CFAP74: variants seen among roughly 807,000 people sequenced by gnomAD.
CFAP74 encodes the protein cilia- and flagella-associated protein 74.
CFAP74 carries 124 observed loss-of-function variants against 188.9 expected under a neutral mutation model. The observed-to-expected ratio is 0.66, with a 90% CI of 0.57 to 0.76. The LOEUF is 0.76. Ranked by LOEUF, CFAP74 falls within the 30% of genes least tolerant of loss-of-function variation. The probability of loss-of-function intolerance (pLI) is 0.00; values close to 1 mark genes in which losing one functional copy is unlikely to be tolerated. For missense variants in CFAP74, 2,198 were observed against 2,165.2 expected, an observed-to-expected ratio of 1.02 and a Z score of -0.30; for synonymous variants, 956 against 916.7, an observed-to-expected ratio of 1.04 and a Z score of -0.77.
chr1:1,968,799 C>T lies in CFAP74; in HGVS notation c.1081G>A (p.Glu361Lys). Residue 361 changes from glutamate (E) to lysine (K), a missense_variant, in exon 11 of 39, where the codon GAG becomes AAG. Coordinates refer to ENST00000682832, the MANE Select transcript of CFAP74 (RefSeq NM_001304360.2). The surrounding 1 kb of genome is among the most constrained non-coding windows in gnomAD (Gnocchi z 4.3). ...TCTTTCAGAATCCGACTGATGATCTCCTGCTTTCTGAGCTTCTGCTCCTCC... is the reference window on the plus strand; with the variant it reads ...TCTTTCAGAATCCGACTGATGATCTTCTGCTTTCTGAGCTTCTGCTCCTCC... ...FEEEQKLRKQ[E>K]IISRILKEEA... is the part of the protein sequence containing the mutation. 1.2e-6 allele frequency: 2 copies of T among 1,614,094 alleles called. No individual in the cohort carries two copies. The highest frequency in any genetic ancestry group is 1.7e-6 in the Non-Finnish European group (2 of 1,179,978).
Position 1,926,280 on chromosome 1 carries a change from G to A in CFAP74, c.3896C>T (p.Ala1299Val). ...VLLNHSSLLRAGGTQVLVLSF... is the reference protein window; with the variant it reads ...VLLNHSSLLRVGGTQVLVLSF... ...AAGCACCAGGACCTGGGTCCCACCTGCACGCAGCAGGCTGGAGTGGTTCAG... is the reference window on the plus strand; with the variant it reads ...AAGCACCAGGACCTGGGTCCCACCTACACGCAGCAGGCTGGAGTGGTTCAG... Residue 1299 changes from alanine to valine, a missense_variant, in exon 32 of 39, where the codon GCA becomes GTA. Physicochemically the swap from Ala to Val is moderately conservative, Grantham distance 64. Coordinates refer to ENST00000682832, the MANE Select transcript of CFAP74 (RefSeq NM_001304360.2). 6.5e-7 allele frequency: 1 copy of A among 1,542,850 alleles called. No homozygotes were observed. The highest frequency in any genetic ancestry group is 8.8e-7 in the Non-Finnish European group (1 of 1,142,656).
At chr1:1,933,060 G>A (rs559197186) in intron 25 of CFAP74, among the ~76,000 whole-genome samples, 2 of 149,298 alleles carry the variant, frequency 1.3e-5, no homozygotes, top group Non-Finnish European at 3.0e-5. Context: ...TAATTTTTTT[G>A]TATTTTTAGT....
At position 1,940,340 on chromosome 1, in the gene CFAP74, C is replaced by G. The variant is rs999410110; in HGVS notation, c.2679G>C (p.Pro893=). Residue 893 remains proline, a synonymous_variant, in exon 23 of 39, where the codon CCG becomes CCC. Transcript: ENST00000682832. The part of the protein sequence containing the change: ...FDKETRVLEA[P]MTIWVADQNK... ...CCTGGTCGGCAACCCATATGGTCAT[C>G]GGGGCCTCCAGGACTCGGGTCTCCT... 3 of 1,535,840 alleles carry G rather than the reference C, an allele frequency of 2.0e-6. No individual in the cohort carries two copies. The highest frequency in any genetic ancestry group is 2.6e-6 in the Non-Finnish European group (3 of 1,146,736).
intron 1 of CFAP74, among the ~76,000 whole-genome samples, chr1:1,993,860 T>C (rs925191151): frequency 1.3e-5 from 2 of 150,888 alleles, no homozygotes; most frequent in African/African-American, 2.4e-5. Flanking sequence ...CGGGCGCCTA[T>C]AGTCCCAGCT....
chr1:1,981,559 G>A lies in CFAP74; in HGVS notation c.500+3827C>T, dbSNP rs539635962. Among the ~76,000 whole-genome samples the A allele has an allele frequency of 9.0e-5, 9 of 99,982 alleles. No individual in the cohort carries two copies. The Admixed American group carries it at 9.6e-4, about 11-fold the overall frequency. 65.6% of individuals were successfully genotyped at this position (99,982 alleles called of 152,430 possible). ...ACACAGCCGCGGACAGACACGGGGG[G>A]CACACAGGACACCCAGCCGTGGACA... On this transcript the variant is annotated intron_variant, in intron 6 of 38. Transcript: ENST00000682832.
chr1:1,928,022 C>A, intron 27 of CFAP74: 1 of 483,204 alleles, frequency 2.1e-6, no homozygotes, highest in Non-Finnish European at 3.8e-6. Flanking sequence ...GGTCCCCACC[C>A]TGGTGCCTTC....
At chr1:1,955,090 A>AAGTGCGGCTCACACC (rs1558021562) in intron 18 of CFAP74, 4 of 438,436 alleles carry the variant, frequency 9.1e-6, no homozygotes, top group South Asian at 7.1e-5. Context: ...CGGCTCACAC[A>AAGTGCGGCTCACACC]GGCTGTGGAG....
At chr1:1,955,351 A>G (rs376497224) in intron 18 of CFAP74, 36 of 1,327,960 alleles carry the variant, frequency 2.7e-5, no homozygotes, top group East Asian at 9.5e-5. Flanking sequence ...ACAGCTGCAG[A>G]GCTAGACAGA....
intron 3 of CFAP74, 113 bp downstream of exon 3, chr1:1,988,776 T>C: frequency 7.5e-7 from 1 of 1,326,398 alleles, no homozygotes; most frequent in Non-Finnish European, 1.0e-6. Context: ...CTGCGGGAGC[T>C]ACAGCCTGTG....
chr1:1,944,590 T>TTCATA, intron 20 of CFAP74, 138 bp from the exon 21 acceptor site: 1 of 834,436 alleles, frequency 1.2e-6, no homozygotes, highest in Non-Finnish European at 1.8e-6. Flanking sequence ...TGTGGCACTT[T>TTCATA]TCATATCATA....
chr1:1,933,767 T>A (rs1204300124), intron 25 of CFAP74, among the ~76,000 whole-genome samples: 2 of 152,226 alleles, frequency 1.3e-5, no homozygotes, highest in African/African-American at 4.8e-5. Context: ...AATATTGCAT[T>A]TCTATTTCGT....
intron 2 of CFAP74, among the ~76,000 whole-genome samples, chr1:1,989,843 T>C (rs1214339437): frequency 6.6e-6 from 1 of 152,210 alleles, no homozygotes; most frequent in East Asian, 1.9e-4. Flanking sequence ...CAAGTCTAAC[T>C]TGATGGTTCT....
chr1:1,931,743 CAAAA>C (rs34088299), intron 25 of CFAP74, among the ~76,000 whole-genome samples: 1 of 77,082 alleles, frequency 1.3e-5, no homozygotes, highest in Non-Finnish European at 2.4e-5. Context: ...GTCTCTGTCT[CAAAA>C]AAAAAAAAAA....
Position 1,961,679 on chromosome 1 carries a change from C to T in CFAP74, c.1695-1649G>A, listed in dbSNP as rs139944572. On this transcript the variant is annotated intron_variant, in intron 14 of 38. Coordinates refer to ENST00000682832, the MANE Select transcript of CFAP74 (RefSeq NM_001304360.2). ...TCAGCATGACTAGAGGACACAGAAC[C>T]CTCCAGACTTAAAATTAACCATAAG... is the stretch of plus-strand genomic sequence containing the variant. Among the ~76,000 whole-genome samples the T allele has an allele frequency of 1.6e-4, 25 of 152,200 alleles. No individual in the cohort carries two copies. In the East Asian group the frequency reaches 4.6e-3, roughly 28 times the overall value.
Position 1,966,458 on chromosome 1 carries a change from CT to C in CFAP74, c.1313del (p.Gln438ArgfsTer13). On this transcript the variant is annotated frameshift_variant, in exon 12 of 39. Coordinates refer to ENST00000682832, the MANE Select transcript of CFAP74 (RefSeq NM_001304360.2). LOFTEE classifies it high-confidence loss of function. ...CCTCTGAGCTGGCCCCGGGGTCCCC[CT>C]GGATAAGCTCACTGGAAACGACTTC... The part of the protein sequence containing the change: ...LLEVVSSELI[Q>X]GDPGASSEEE... 6.2e-7 allele frequency: 1 copy of C among 1,606,728 alleles called. No homozygotes were observed. The highest frequency in any genetic ancestry group is 8.5e-7 in the Non-Finnish European group (1 of 1,175,934).
At chr1:1,992,020 A>G (rs1558066610) in intron 1 of CFAP74, among the ~76,000 whole-genome samples, 1 of 149,894 alleles carries the variant, frequency 6.7e-6, no homozygotes, top group East Asian at 2.0e-4. Context: ...AGCCTGGGTG[A>G]CAGAGCGAGA....
rs546080537 is a variant in CFAP74 at position 1,957,816 on chromosome 1, T to C, written c.1852-1032A>G. 1.5e-4 allele frequency among the ~76,000 whole-genome samples: 23 copies of C among 152,050 alleles called. No individual in the cohort carries two copies. In the East Asian group the frequency reaches 4.5e-3, roughly 30 times the overall value. ...CCCCTGGCCCTGGTGCTCGGTGTCC[T>C]GGGCCTGAGTCTTGGCTCACCAAGA... On this transcript the variant is annotated intron_variant, in intron 16 of 38. Coordinates refer to ENST00000682832, the MANE Select transcript of CFAP74 (RefSeq NM_001304360.2).
At chr1:1,932,768 A>G (rs1652519772) in intron 25 of CFAP74, among the ~76,000 whole-genome samples, 1 of 149,424 alleles carries the variant, frequency 6.7e-6, no homozygotes, top group Non-Finnish European at 1.5e-5. Flanking sequence ...AATTTTTTGT[A>G]TTTTTAGTAG....
intron 14 of CFAP74, 128 bp downstream of exon 14, chr1:1,963,621 T>G (rs1655253640): frequency 1.7e-6 from 1 of 601,450 alleles, no homozygotes; most frequent in Non-Finnish European, 2.9e-6. Flanking sequence ...TACAAAATCT[T>G]CGTGAAAATC....
Sources: allele counts gnomAD v4.1 joint callset (sites outside exome capture counted in the v4.1 genomes callset), GRCh38; gene constraint gnomAD v4.1.1; non-coding constraint Gnocchi (gnomAD v3.1); transcripts MANE v1.5; gene names NCBI Gene and HGNC (gene_info 2026-07-23, HGNC 2026-07-21).